The following MYH11 variants were observed in gnomAD, a reference collection of about 807,000 sequenced individuals.
MYH11 encodes the protein myosin heavy chain 11.
In MYH11, 80 loss-of-function variants were observed where a neutral mutation model predicts 246.6. The observed-to-expected ratio is 0.32, with a 90% CI of 0.27 to 0.39. The LOEUF (loss-of-function observed/expected upper bound fraction) is 0.39, where lower values mean the gene tolerates loss of function less well. Among genes scored for constraint, MYH11 ranks in the 10% least tolerant of loss-of-function variants. MYH11 has a pLI of 1.00. For missense variants in MYH11, 2,158 were observed against 2,546.8 expected (o/e 0.85, Z 3.29); for synonymous variants, 1,071 against 1,015.5 (o/e 1.05, Z -1.04).
chr16:15,856,541 T>C (rs1212628280), intron 1 of MYH11, among the ~76,000 whole-genome samples: 1 of 152,110 alleles, frequency 6.6e-6, no homozygotes, highest in African/African-American at 2.4e-5. Flanking sequence ...GCCTTGATTG[T>C]CTGCACCGGA....
intron 8 of MYH11, among the ~76,000 whole-genome samples, chr16:15,772,079 CCTTTA>C (rs2042114511): frequency 6.7e-6 from 1 of 149,416 alleles, no homozygotes; most frequent in Non-Finnish European, 1.5e-5. Context: ...GTTAGATCAA[CCTTTA>C]CTCTTTTTTT....
At chr16:15,803,520 G>T (rs893480984) in intron 3 of MYH11, among the ~76,000 whole-genome samples, 2 of 152,018 alleles carry the variant, frequency 1.3e-5, no homozygotes, top group South Asian at 2.1e-4. Flanking sequence ...CAGGTGATCC[G>T]CCCGCCTCAG....
At chr16:15,814,439 G>GCTA (rs2043213259) in intron 3 of MYH11, among the ~76,000 whole-genome samples, 1 of 150,880 alleles carries the variant, frequency 6.6e-6, no homozygotes, top group South Asian at 2.1e-4. Flanking sequence ...TGTAATCCCA[G>GCTA]CTACTTGGGA....
intron 1 of MYH11, among the ~76,000 whole-genome samples, chr16:15,840,659 G>A (rs982030991): frequency 6.6e-6 from 1 of 152,168 alleles, no homozygotes; most frequent in Non-Finnish European, 1.5e-5. Flanking sequence ...TAGAGCCCAG[G>A]AGGTCAAGGC....
intron 4 of MYH11, chr16:15,792,702 T>C (rs2042638821): frequency 6.6e-6 from 1 of 152,174 alleles, no homozygotes; most frequent in African/African-American, 2.4e-5. Flanking sequence ...CCTTAGCACG[T>C]TCTCATCCAT....
chr16:15,737,553 A>G lies in MYH11; in HGVS notation c.3189T>C (p.Asp1063=). Residue 1063 remains aspartate, a synonymous_variant, in exon 25 of 41, where the codon GAT becomes GAC. Transcript: ENST00000300036. ...LEKLKRKLEG[D]ASDFHEQIAD... is the part of the protein sequence containing the mutation. Reference sequence around the variant, plus strand: ...CGATCTGCTCGTGGAAGTCGCTGGCATCACCCTCCAGCTTCCGTTTCAGCT... The same window carrying G: ...CGATCTGCTCGTGGAAGTCGCTGGCGTCACCCTCCAGCTTCCGTTTCAGCT... 2 of 1,614,004 alleles carry G rather than the reference A, an allele frequency of 1.2e-6. No individual in the cohort carries two copies. The highest frequency in any genetic ancestry group is 8.5e-7 in the Non-Finnish European group (1 of 1,180,018).
rs1408251776 is a variant in MYH11, at chr16:15,703,255, G to C, written c.*736C>G. 1 of 218,576 alleles carries C rather than the reference G, an allele frequency of 4.6e-6. No individual in the cohort carries two copies. Among genetic ancestry groups the C allele is most frequent in the Non-Finnish European group, 9.2e-6 (1 of 108,842 alleles). 13.5% of individuals were successfully genotyped at this position (218,576 alleles called of 1,614,324 possible). On this transcript the variant is annotated 3_prime_UTR_variant, in exon 41 of 41. Transcript: ENST00000300036. ...CTCCTTTTCAATTCATGTGACTACA[G>C]AAGGCACTTGGTGAACTGTGCGTGT... is the stretch of plus-strand genomic sequence containing the variant.
intron 25 of MYH11, 151 bp downstream of exon 25, chr16:15,737,298 G>T: frequency 1.1e-6 from 1 of 908,376 alleles, no homozygotes; most frequent in Non-Finnish European, 1.7e-6. Flanking sequence ...ACAGGGTCGA[G>T]AAGGCTTGTG....
At chr16:15,729,962 A>T (rs2040911163) in intron 27 of MYH11, among the ~76,000 whole-genome samples, 1 of 152,100 alleles carries the variant, frequency 6.6e-6, no homozygotes, top group African/African-American at 2.4e-5. Context: ...CTGGGATTAT[A>T]AGCATGAGCC....
At chr16:15,726,717 C>G (rs541584212) in intron 28 of MYH11, 131 bp downstream of exon 28, 2 of 1,084,308 alleles carry the variant, frequency 1.8e-6, no homozygotes, top group African/African-American at 1.6e-5. Context: ...CGCCTCTCCT[C>G]CAGGAACGCA....
Position 15,759,720 on chromosome 16 carries a change from A to G in MYH11, c.1257T>C (p.Phe419=). The G allele has an allele frequency of 6.2e-7, 1 of 1,614,176 alleles. No individual in the cohort carries two copies. The highest frequency in any genetic ancestry group is 1.3e-5 in the African/African-American group (1 of 75,062). The change falls in exon 12 of 41, where the codon TTT becomes TTC. Residue 419 remains phenylalanine, a synonymous_variant. Transcript: ENST00000300036. ...TTGCCTTGGCCAAAGCCTCTACAGC[A>G]AAGTCAGCCTGCAGAGGGCAACCAG... The part of the protein sequence containing the change: ...QKAQTKEQAD[F]AVEALAKATY...
intron 20 of MYH11, 68 bp downstream of exon 20, chr16:15,745,061 G>A: frequency 8.1e-7 from 1 of 1,229,306 alleles, no homozygotes; most frequent in Non-Finnish European, 1.2e-6. Context: ...TGTCCCAAAT[G>A]TGAAGGCTCC....
chr16:15,735,545 G>T lies in MYH11; in HGVS notation c.3327C>A (p.Ala1109=). The T allele has an allele frequency of 6.2e-7, 1 of 1,614,156 alleles. No homozygotes were observed. Among genetic ancestry groups the T allele is most frequent in the Non-Finnish European group, 8.5e-7 (1 of 1,180,038 alleles). The change falls in exon 26 of 41, where the codon GCC becomes GCA. Residue 1109 remains alanine (A), a synonymous_variant. Coordinates refer to ENST00000300036, the MANE Select transcript of MYH11 (RefSeq NM_002474.3). ...CCTCCAGCTCCCGGATCTTCTTCAG[G>T]GCATTGTTCTTCTGAGCGATTTCAT... ...LDDEIAQKNN[A]LKKIRELEGH...
chr16:15,769,763 GGACA>G (rs979244075), intron 9 of MYH11, among the ~76,000 whole-genome samples: 24 of 152,140 alleles, frequency 1.6e-4, no homozygotes, highest in Admixed American at 1.0e-3. Context: ...TCTTTCACAA[GGACA>G]GACAATGATT....
At chr16:15,704,266 A>G in intron 40 of MYH11, 143 bp from the exon 41 acceptor site, 2 of 877,406 alleles carry the variant, frequency 2.3e-6, no homozygotes, top group Non-Finnish European at 3.5e-6. Flanking sequence ...CACGGCACAA[A>G]TAAGATGCAG....
chr16:15,770,334 C>A (rs548724914), intron 9 of MYH11, among the ~76,000 whole-genome samples: 2 of 152,250 alleles, frequency 1.3e-5, no homozygotes, highest in East Asian at 3.9e-4. Context: ...GGGCTCCAAA[C>A]GGGCGTAGGC....
At chr16:15,808,234 G>A (rs558644575) in intron 3 of MYH11, among the ~76,000 whole-genome samples, 2 of 152,166 alleles carry the variant, frequency 1.3e-5, no homozygotes, top group African/African-American at 2.4e-5. Context: ...CTTGACGGTG[G>A]GTCCTCGGCA....
At position 15,725,194 on chromosome 16, in the gene MYH11, C is replaced by T. The variant is rs149894916; in HGVS notation, c.3859-202G>A. ...AACAGAATCTGTGGCTTGAAGGGAA[C>T]TCCGTCACCTATGAGTTGGGACCCT... is the stretch of plus-strand genomic sequence containing the variant. On this transcript the variant is annotated intron_variant, in intron 28 of 40. Transcript: ENST00000300036. 352 of 619,836 alleles carry T rather than the reference C, an allele frequency of 5.7e-4. No homozygotes were observed. The East Asian group carries it at 9.4e-3, about 17-fold the overall frequency. The allele number at this position is 619,836 out of a possible 1,614,324, so 38.4% of individuals were successfully genotyped here.
At chr16:15,816,857 A>G (rs1188150689) in intron 3 of MYH11, among the ~76,000 whole-genome samples, 1 of 152,186 alleles carries the variant, frequency 6.6e-6, no homozygotes, top group East Asian at 1.9e-4. Context: ...TTTCTTAATA[A>G]GCCTTCAAAA....
Sources: gnomAD v4.1 joint callset for allele counts (sites outside exome capture counted in the v4.1 genomes callset) on GRCh38, gnomAD v4.1.1 for gene constraint, MANE v1.5 for transcripts, NCBI Gene and HGNC (gene_info 2026-07-23, HGNC 2026-07-21) for gene names.